The following PARD6G variants were observed in gnomAD, a reference collection of about 807,000 sequenced individuals.
The protein encoded by PARD6G is partitioning defective 6 homolog gamma.
In PARD6G, 7 loss-of-function variants were observed where a neutral mutation model predicts 10.7. The ratio of observed to expected loss-of-function variants is 0.66; its 90% CI spans 0.37 to 1.23. The LOEUF (loss-of-function observed/expected upper bound fraction) is 1.23, where lower values mean the gene tolerates loss of function less well. Among genes scored for constraint, PARD6G ranks in the 50% most tolerant of loss-of-function variants. PARD6G has a pLI of 0.02. For missense variants in PARD6G, 548 were observed against 571.8 expected (o/e 0.96, Z 0.42); for synonymous variants, 287 against 269.4 (o/e 1.07, Z -0.64).
At chr18:80,205,780 T>C (rs1179931517) in intron 1 of PARD6G, among the ~76,000 whole-genome samples, 4 of 152,230 alleles carry the variant, frequency 2.6e-5, no homozygotes, top group Admixed American at 2.0e-4. Context: ...ACCCAGTCTG[T>C]AGTCTTTCTT....
At chr18:80,199,184 A>T (rs1966985860) in intron 2 of PARD6G, among the ~76,000 whole-genome samples, 1 of 152,236 alleles carries the variant, frequency 6.6e-6, no homozygotes, top group Non-Finnish European at 1.5e-5. Flanking sequence ...ACACAGGGTT[A>T]GGTTCCTGTT....
intron 2 of PARD6G, among the ~76,000 whole-genome samples, chr18:80,178,710 C>T: frequency 6.6e-6 from 1 of 152,324 alleles, no homozygotes; most frequent in East Asian, 1.9e-4. Context: ...GGAGTGCCAC[C>T]TTCACATGGC....
At chr18:80,185,694 ACACACATGCACC>A (rs781232282) in intron 2 of PARD6G, among the ~76,000 whole-genome samples, 12 of 148,582 alleles carry the variant, frequency 8.1e-5, no homozygotes, top group East Asian at 2.0e-4. Flanking sequence ...ATACACCCTC[ACACACATGCACC>A]CACACATGCA....
rs1383630885 is a variant in PARD6G, at chr18:80,180,683, G to C, written c.296-20077C>G. On this transcript the variant is annotated intron_variant, in intron 2 of 2. Coordinates refer to ENST00000353265, the MANE Select transcript of PARD6G (RefSeq NM_032510.4). The surrounding 1 kb of genome is among the most constrained non-coding windows in gnomAD (Gnocchi z 5.6). Reference sequence around the variant, plus strand: ...CCCCCAGTTCCTGCCAGTGAGCTTGGCAGAGGCACCACAGGCTCTTGGGTC... The same window carrying C: ...CCCCCAGTTCCTGCCAGTGAGCTTGCCAGAGGCACCACAGGCTCTTGGGTC... 1.3e-5 allele frequency among the ~76,000 whole-genome samples: 2 copies of C among 152,132 alleles called. No individual in the cohort carries two copies. The highest frequency in any genetic ancestry group is 2.9e-5 in the Non-Finnish European group (2 of 68,012).
intron 2 of PARD6G, among the ~76,000 whole-genome samples, chr18:80,187,060 G>A (rs1023112661): frequency 1.3e-5 from 2 of 151,168 alleles, no homozygotes; most frequent in African/African-American, 2.4e-5. Flanking sequence ...TTGCGCCACT[G>A]CACTCCAGCC....
At position 80,246,362 on chromosome 18, in the gene PARD6G, C is replaced by T. The variant is rs1277172401; in HGVS notation, c.72+915G>A. Among the ~76,000 whole-genome samples, 3 of 152,218 alleles carry T rather than the reference C, an allele frequency of 2.0e-5. No homozygotes were observed. The highest frequency in any genetic ancestry group is 4.4e-5 in the Non-Finnish European group (3 of 68,030). ...AACAATAGCATCTGCGGCGAAGGAA[C>T]CACCCCCGCAAAGGGCAGAAGCGCC... is the stretch of plus-strand genomic sequence containing the variant. On this transcript the variant is annotated intron_variant, in intron 1 of 2. Transcript: ENST00000353265. The surrounding 1 kb of genome is among the most constrained non-coding windows in gnomAD (Gnocchi z 6.7).
chr18:80,166,721 C>G (rs1484944475), intron 2 of PARD6G, among the ~76,000 whole-genome samples: 1 of 151,688 alleles, frequency 6.6e-6, no homozygotes, highest in Non-Finnish European at 1.5e-5. Context: ...TCCTCACTCC[C>G]CATGTCCACC....
At chr18:80,208,297 G>A (rs936020848) in intron 1 of PARD6G, among the ~76,000 whole-genome samples, 2 of 152,090 alleles carry the variant, frequency 1.3e-5, no homozygotes, top group African/African-American at 4.8e-5. Flanking sequence ...CCCTTTTATA[G>A]TGGTAGTTTT....
chr18:80,218,095 G>C (rs1347813394), intron 1 of PARD6G, among the ~76,000 whole-genome samples: 3 of 151,836 alleles, frequency 2.0e-5, no homozygotes, highest in Non-Finnish European at 2.9e-5. Flanking sequence ...ATTTGGGTGG[G>C]GACACAGCCA....
chr18:80,172,050 G>C (rs1454902830), intron 2 of PARD6G, among the ~76,000 whole-genome samples: 1 of 152,204 alleles, frequency 6.6e-6, no homozygotes, highest in African/African-American at 2.4e-5. Flanking sequence ...CCTTCTGCTG[G>C]ATATACACCT....
Position 80,183,252 on chromosome 18 carries a change from G to A in PARD6G, c.295+19458C>T, listed in dbSNP as rs1266509991. ...GCAAAACAAGCTGCAGATAGGCATG[G>A]AGAAGAGCAAAGCCGCATACAGGCA... On this transcript the variant is annotated intron_variant, in intron 2 of 2. Coordinates refer to ENST00000353265, the MANE Select transcript of PARD6G (RefSeq NM_032510.4). The surrounding 1 kb of genome is among the most constrained non-coding windows in gnomAD (Gnocchi z 4.5). 2.9e-6 allele frequency: 2 copies of A among 698,324 alleles called. No homozygotes were observed. The highest frequency in any genetic ancestry group is 5.2e-6 in the Non-Finnish European group (2 of 382,160). 43.3% of individuals were successfully genotyped at this position (698,324 alleles called of 1,614,324 possible).
intron 1 of PARD6G, among the ~76,000 whole-genome samples, chr18:80,214,455 G>A (rs1040558085): frequency 1.3e-5 from 2 of 151,598 alleles, no homozygotes; most frequent in Admixed American, 6.6e-5. Context: ...AACAGAGCGA[G>A]ACTACATTTC....
chr18:80,206,685 T>G (rs540037220), intron 1 of PARD6G, among the ~76,000 whole-genome samples: 6 of 152,344 alleles, frequency 3.9e-5, no homozygotes, highest in African/African-American at 1.4e-4. Context: ...AGTGTGCAAA[T>G]GAAGCTTCAC....
At chr18:80,242,841 A>G (rs1363201334) in intron 1 of PARD6G, among the ~76,000 whole-genome samples, 1 of 152,238 alleles carries the variant, frequency 6.6e-6, no homozygotes, top group Admixed American at 6.5e-5. Flanking sequence ...AAACAATGGG[A>G]TACCATTTCA....
chr18:80,203,138 C>T (rs12962437), intron 1 of PARD6G: 95,617 of 511,120 alleles, frequency 0.19, 9,709 homozygotes, highest in Middle Eastern at 0.23. Flanking sequence ...GCTTTTAATA[C>T]GATTTCTCTT....
At chr18:80,191,275 T>C (rs1375125878) in intron 2 of PARD6G, among the ~76,000 whole-genome samples, 2 of 152,170 alleles carry the variant, frequency 1.3e-5, no homozygotes, top group Non-Finnish European at 2.9e-5. Flanking sequence ...GGAGAAAATG[T>C]CGGGGCAGCA....
At chr18:80,167,777 C>T (rs1027896344) in intron 2 of PARD6G, among the ~76,000 whole-genome samples, 1 of 152,134 alleles carries the variant, frequency 6.6e-6, no homozygotes, top group African/African-American at 2.4e-5. Flanking sequence ...GCAGCAGGCA[C>T]ACAGACCACC....
At chr18:80,160,762 C>T (rs561445708) in intron 2 of PARD6G, among the ~76,000 whole-genome samples, 156 bp from the exon 3 acceptor site, 40 of 152,304 alleles carry the variant, frequency 2.6e-4, no homozygotes, top group African/African-American at 8.9e-4. Context: ...TGAAATCAGG[C>T]AAGCTCAAGT....
In PARD6G at chr18:80,184,210, G is replaced by C. The variant is rs1037082298; in HGVS notation, c.295+18500C>G. On this transcript the variant is annotated intron_variant, in intron 2 of 2. Coordinates refer to ENST00000353265, the MANE Select transcript of PARD6G (RefSeq NM_032510.4). This position sits in a 1 kb window ranked among gnomAD's most constrained non-coding sequence, Gnocchi z 4.5. ...CCCCTAAGGTCAGGAACAAGACGAG[G>C]GTGTCCGCTCTTATTCCTTTCAGCC... 2.0e-5 allele frequency: 3 copies of C among 152,214 alleles called. No individual in the cohort carries two copies. Among genetic ancestry groups the C allele is most frequent in the Non-Finnish European group, 4.4e-5 (3 of 68,048 alleles). The allele number at this position is 152,214 out of a possible 1,614,324, so 9.4% of individuals were successfully genotyped here. A position where few individuals can be genotyped will look rare whatever the true frequency, so the allele number is the denominator to read the frequency against.
Sources: gnomAD v4.1 joint callset for allele counts (sites outside exome capture counted in the v4.1 genomes callset) on GRCh38, gnomAD v4.1.1 for gene constraint, Gnocchi (gnomAD v3.1) non-coding constraint, MANE v1.5 for transcripts, NCBI Gene and HGNC (gene_info 2026-07-23, HGNC 2026-07-21) for gene names.